The following TSPAN16 variants were observed in gnomAD, a reference collection of about 807,000 sequenced individuals.
The protein encoded by TSPAN16 is tetraspanin-16.
A neutral mutation model predicts 25.2 loss-of-function variants in TSPAN16; 23 were observed. The ratio of observed to expected loss-of-function variants is 0.91; its 90% CI spans 0.66 to 1.29. The LOEUF (loss-of-function observed/expected upper bound fraction) is 1.29, where lower values mean the gene tolerates loss of function less well. Ranked by LOEUF, TSPAN16 falls within the 50% of genes most tolerant of loss-of-function variation. The pLI is 0.00. For missense variants in TSPAN16, 272 were observed against 299.9 expected (o/e 0.91, Z 0.69); for synonymous variants, 123 against 124.4 (o/e 0.99, Z 0.08).
At chr19:11,301,427 G>A in intron 4 of TSPAN16, 119 bp downstream of exon 4, 1 of 674,208 alleles carries the variant, frequency 1.5e-6, no homozygotes, top group South Asian at 1.6e-5. Flanking sequence ...ATCACTTGAG[G>A]TCAGGAGTTT....
At chr19:11,325,359 G>T in intron 6 of TSPAN16, 1 of 1,369,664 alleles carries the variant, frequency 7.3e-7, no homozygotes, top group Non-Finnish European at 1.0e-6. Context: ...AGTCCCTGCC[G>T]AGGCAGGAGA....
At chr19:11,318,836 G>A (rs570340979), downstream of TSPAN16, among the ~76,000 whole-genome samples, 28 of 151,950 alleles carry the variant, frequency 1.8e-4, no homozygotes, top group South Asian at 2.5e-3. Context: ...TAGTAGAGAC[G>A]GGGTTTTGCC....
chr19:11,313,138 ACT>A (rs2080711045), intron 6 of TSPAN16, among the ~76,000 whole-genome samples: 1 of 152,118 alleles, frequency 6.6e-6, no homozygotes, highest in African/African-American at 2.4e-5. Context: ...TCACCTGCAA[ACT>A]CTGCCAATAA....
chr19:11,313,096 T>C (rs957185504), intron 6 of TSPAN16, among the ~76,000 whole-genome samples: 3 of 152,156 alleles, frequency 2.0e-5, no homozygotes, highest in Admixed American at 2.0e-4. Context: ...CTGGAAATAT[T>C]ACCAAACTTT....
At chr19:11,320,122 C>CTTTTTTTTTTTTTTTTTT (rs373015307), downstream of TSPAN16, among the ~76,000 whole-genome samples, 8 of 106,834 alleles carry the variant, frequency 7.5e-5, 1 homozygote, top group African/African-American at 1.2e-4. Context: ...CCGGCCAGGA[C>CTTTTTTTTTTTTTTTTTT]TTTTTTTTTT....
chr19:11,301,105 C>G (rs1470943599), intron 3 of TSPAN16, 96 bp from the exon 4 acceptor site: 2 of 990,266 alleles, frequency 2.0e-6, no homozygotes, highest in Admixed American at 3.7e-5. Flanking sequence ...GCACGAGGGA[C>G]GCTCCCACCT....
intron 6 of TSPAN16, among the ~76,000 whole-genome samples, chr19:11,313,326 A>G (rs2080712999): frequency 1.3e-5 from 2 of 152,068 alleles, no homozygotes; most frequent in African/African-American, 4.8e-5. Context: ...AGCCTGACGA[A>G]CATGGTGAAA....
chr19:11,326,643 G>A (rs1179000911), intron 6 of TSPAN16: 2 of 525,856 alleles, frequency 3.8e-6, no homozygotes, highest in Non-Finnish European at 6.7e-6. Context: ...TCTCTCTATT[G>A]CCCAGGCCGG....
Position 11,312,224 on chromosome 19 carries a change from TA to T in TSPAN16, c.687+4del. ...TCTCTGGGAGCTGCAGTGATACAGG[TA>T]AGACCCAGCCTCTCTAGGGTCTTTG... On this transcript the variant is annotated splice_donor_region_variant and intron_variant, in intron 6 of 6. Coordinates refer to ENST00000590327, the MANE Select transcript of TSPAN16 (RefSeq NM_001282509.2). The T allele has an allele frequency of 6.2e-7, 1 of 1,608,040 alleles. No homozygotes were observed. Among genetic ancestry groups the T allele is most frequent in the Admixed American group, 1.7e-5 (1 of 59,246 alleles).
At chr19:11,307,268 T>C (rs2080639636) in intron 5 of TSPAN16, among the ~76,000 whole-genome samples, 1 of 150,186 alleles carries the variant, frequency 6.7e-6, no homozygotes, top group African/African-American at 2.5e-5. Flanking sequence ...TACAGGTGTG[T>C]GCCACCACGC....
Position 11,315,814 on chromosome 19 carries a change from GC to G in TSPAN16, c.712del (p.Leu238CysfsTer15). The G allele has an allele frequency of 8.1e-7, 1 of 1,231,882 alleles. No individual in the cohort carries two copies. Among genetic ancestry groups the G allele is most frequent in the Non-Finnish European group, 1.0e-6 (1 of 987,858 alleles). The allele number at this position is 1,231,882 out of a possible 1,614,324, so 76.3% of individuals were successfully genotyped here. On this transcript the variant is annotated frameshift_variant, in exon 7 of 7. Transcript: ENST00000590327. LOFTEE classifies it high-confidence loss of function. The part of the protein sequence containing the change: ...IQLPGILATL[L>X]LFIKLG ...AGTTGCCAGGAATTCTTGCCACTTT[GC>G]TGCTGTTTATCAAGCTGGGCTGACA...
chr19:11,306,518 A>C (rs1599337558), intron 4 of TSPAN16, 86 bp from the exon 5 acceptor site: 1 of 1,505,032 alleles, frequency 6.6e-7, no homozygotes, highest in Non-Finnish European at 9.2e-7. Flanking sequence ...TTGTGACCAT[A>C]CTAGACGGTA....
intron 3 of TSPAN16, 57 bp downstream of exon 3, chr19:11,299,003 G>T: frequency 6.4e-7 from 1 of 1,560,924 alleles, no homozygotes; most frequent in South Asian, 1.1e-5. Flanking sequence ...ACCAAGGACG[G>T]GCACAGTGGC....
intron 3 of TSPAN16, among the ~76,000 whole-genome samples, chr19:11,299,694 G>A (rs1332416464): frequency 6.6e-6 from 1 of 152,138 alleles, no homozygotes; most frequent in African/African-American, 2.4e-5. Context: ...TGCAAAGAGG[G>A]CCAGGTGCGG....
At chr19:11,321,038 G>A (rs551421309) in intron 6 of TSPAN16, among the ~76,000 whole-genome samples, 2 of 152,082 alleles carry the variant, frequency 1.3e-5, no homozygotes, top group East Asian at 1.9e-4. Flanking sequence ...GCGTAGTGGA[G>A]TGTGCCTGTA....
chr19:11,325,187 G>C, intron 6 of TSPAN16: 1 of 529,196 alleles, frequency 1.9e-6, no homozygotes, highest in South Asian at 2.3e-5. Flanking sequence ...GCAGAGCTGA[G>C]TCCCCATGGT....
In TSPAN16 at chr19:11,312,230, C is replaced by G. The variant is rs1376731606; in HGVS notation, c.687+8C>G. 1 of 1,605,784 alleles carries G rather than the reference C, an allele frequency of 6.2e-7. No homozygotes were observed. Among genetic ancestry groups the G allele is most frequent in the South Asian group, 1.1e-5 (1 of 90,170 alleles). On this transcript the variant is annotated splice_region_variant and intron_variant, in intron 6 of 6. Transcript: ENST00000590327. The stretch of plus-strand genomic sequence containing the variant: ...GGAGCTGCAGTGATACAGGTAAGAC[C>G]CAGCCTCTCTAGGGTCTTTGAGCTG...
intron 5 of TSPAN16, 94 bp from the exon 6 acceptor site, chr19:11,312,045 T>G (rs2147952884): frequency 2.3e-6 from 2 of 861,114 alleles, no homozygotes; most frequent in South Asian, 1.6e-5. Context: ...AATCTGAGAG[T>G]CGTCTGAGTG....
intron 6 of TSPAN16, among the ~76,000 whole-genome samples, chr19:11,315,045 G>C (rs2080731379): frequency 6.6e-6 from 1 of 151,066 alleles, no homozygotes; most frequent in South Asian, 2.1e-4. Context: ...AGACCAGCCT[G>C]ACCAACATGG....
Sources: allele counts gnomAD v4.1 joint callset (sites outside exome capture counted in the v4.1 genomes callset), GRCh38; gene constraint gnomAD v4.1.1; transcripts MANE v1.5; gene names NCBI Gene and HGNC (gene_info 2026-07-23, HGNC 2026-07-21).